The following DSCAM variants were observed in gnomAD, a reference collection of about 807,000 sequenced individuals.
DSCAM encodes the protein DS cell adhesion molecule, also known as cell adhesion molecule DSCAM.
DSCAM carries 47 observed loss-of-function variants against 217.7 expected under a neutral mutation model. That is an observed-to-expected ratio of 0.22 (90% confidence interval 0.17 to 0.28). The LOEUF (loss-of-function observed/expected upper bound fraction) is 0.28, where lower values mean the gene tolerates loss of function less well. Ranked by LOEUF, DSCAM falls within the 10% of genes least tolerant of loss-of-function variation. The probability of loss-of-function intolerance (pLI) is 1.00; values close to 1 mark genes in which losing one functional copy is unlikely to be tolerated. For missense variants in DSCAM, 2,080 were observed against 2,618.3 expected (o/e 0.79, Z 4.49); for synonymous variants, 1,056 against 1,015.3 (o/e 1.04, Z -0.76).
intron 1 of DSCAM, among the ~76,000 whole-genome samples, chr21:40,800,854 T>G (rs960995983): frequency 7.9e-5 from 12 of 151,990 alleles, no homozygotes; most frequent in African/African-American, 2.9e-4. Context: ...TAGCTTGGAT[T>G]ACAGGCACAC....
chr21:40,084,501 AAC>A (rs145863686), intron 23 of DSCAM, among the ~76,000 whole-genome samples: 18,076 of 136,038 alleles, frequency 0.13, 1,138 homozygotes, highest in Middle Eastern at 0.17. Flanking sequence ...TCCAAGATGC[AAC>A]ACACACACAC....
At chr21:40,105,439 C>T (rs1234447817) in intron 20 of DSCAM, among the ~76,000 whole-genome samples, 1 of 152,176 alleles carries the variant, frequency 6.6e-6, no homozygotes, top group Non-Finnish European at 1.5e-5. Flanking sequence ...GGTGTGGTTA[C>T]CCTCATGCTG....
chr21:40,195,558 T>C (rs886514830), intron 11 of DSCAM, among the ~76,000 whole-genome samples: 12 of 152,072 alleles, frequency 7.9e-5, no homozygotes, highest in African/African-American at 2.9e-4. Flanking sequence ...ACCCCAAACA[T>C]AGGAGATGGC....
chr21:40,562,619 A>G (rs1456133231), intron 3 of DSCAM, among the ~76,000 whole-genome samples: 1 of 152,220 alleles, frequency 6.6e-6, no homozygotes, highest in Non-Finnish European at 1.5e-5. Context: ...TACCTCTGAA[A>G]ATAACAGCTC....
chr21:40,195,024 G>A (rs963778549), intron 11 of DSCAM, among the ~76,000 whole-genome samples: 2 of 152,148 alleles, frequency 1.3e-5, no homozygotes, highest in African/African-American at 4.8e-5. Context: ...ATACTGAGAA[G>A]ATAGTAAGAT....
chr21:40,772,897 G>A (rs183170393), intron 1 of DSCAM, among the ~76,000 whole-genome samples: 4 of 152,296 alleles, frequency 2.6e-5, no homozygotes, highest in South Asian at 2.1e-4. Flanking sequence ...ACCCTGTCCC[G>A]GAGAGCTGTC....
chr21:40,431,845 T>C (rs2075535647), intron 3 of DSCAM, among the ~76,000 whole-genome samples: 1 of 152,220 alleles, frequency 6.6e-6, no homozygotes, highest in Non-Finnish European at 1.5e-5. Context: ...TTCTTGTGGC[T>C]ATTGTAATGG....
At chr21:40,022,695 T>G (rs781684944) in intron 32 of DSCAM, among the ~76,000 whole-genome samples, 1 of 152,166 alleles carries the variant, frequency 6.6e-6, no homozygotes, top group Non-Finnish European at 1.5e-5. Flanking sequence ...TGTCTCTGCC[T>G]CTGCTTCTGC....
intron 11 of DSCAM, among the ~76,000 whole-genome samples, chr21:40,216,020 C>T (rs1467456061): frequency 6.6e-6 from 1 of 151,740 alleles, no homozygotes; most frequent in Admixed American, 6.6e-5. Flanking sequence ...GCATTTCACG[C>T]CAATATTTCT....
At chr21:40,466,204 C>T (rs1183670341) in intron 3 of DSCAM, among the ~76,000 whole-genome samples, 2 of 152,186 alleles carry the variant, frequency 1.3e-5, no homozygotes, top group African/African-American at 4.8e-5. Flanking sequence ...AGTAAGGCGG[C>T]ATGCAGCTGG....
At chr21:40,687,364 G>A (rs959465584) in intron 3 of DSCAM, among the ~76,000 whole-genome samples, 1 of 151,780 alleles carries the variant, frequency 6.6e-6, no homozygotes, top group Non-Finnish European at 1.5e-5. Context: ...GCTCTTTGAG[G>A]GCAGACTCAG....
intron 3 of DSCAM, among the ~76,000 whole-genome samples, chr21:40,469,936 G>A (rs113799981): frequency 3.3e-5 from 5 of 152,106 alleles, no homozygotes; most frequent in Non-Finnish European, 5.9e-5. Context: ...TGGAAAAAAC[G>A]GTTTTAGAAT....
chr21:40,598,490 C>T (rs1026352250), intron 3 of DSCAM, among the ~76,000 whole-genome samples: 14 of 146,136 alleles, frequency 9.6e-5, no homozygotes, highest in Non-Finnish European at 1.9e-4. Context: ...TAAGAAACTG[C>T]CAAACTGTTT....
chr21:40,047,858 G>A (rs2088867056), intron 30 of DSCAM, among the ~76,000 whole-genome samples: 1 of 152,146 alleles, frequency 6.6e-6, no homozygotes, highest in African/African-American at 2.4e-5. Flanking sequence ...GTCCCATCCT[G>A]GGTAACAGAG....
intron 9 of DSCAM, among the ~76,000 whole-genome samples, chr21:40,303,945 C>T (rs1039903774): frequency 6.6e-6 from 1 of 152,132 alleles, no homozygotes; most frequent in Admixed American, 6.5e-5. Flanking sequence ...TTGGTGCTTT[C>T]CTGTGAGTGG....
intron 27 of DSCAM, among the ~76,000 whole-genome samples, chr21:40,066,992 T>G (rs988478322): frequency 6.6e-6 from 1 of 152,326 alleles, no homozygotes; most frequent in African/African-American, 2.4e-5. Flanking sequence ...TACCTCCTGA[T>G]GAACCCATCA....
chr21:40,568,296 G>A (rs1309415279), intron 3 of DSCAM, among the ~76,000 whole-genome samples: 1 of 152,174 alleles, frequency 6.6e-6, no homozygotes, highest in Non-Finnish European at 1.5e-5. Context: ...CAGTGTGTTA[G>A]TATGGTTCAA....
intron 3 of DSCAM, among the ~76,000 whole-genome samples, chr21:40,594,507 C>G (rs1385579037): frequency 6.6e-6 from 1 of 152,152 alleles, no homozygotes; most frequent in Non-Finnish European, 1.5e-5. Context: ...ACGACTGTCT[C>G]AAGACTGCTG....
intron 3 of DSCAM, among the ~76,000 whole-genome samples, chr21:40,427,985 T>A (rs77043270): frequency 0.055 from 8,372 of 152,304 alleles, 463 homozygotes; most frequent in Admixed American, 0.17. Flanking sequence ...TGACCCATTA[T>A]ACTTTGTGCT....
Sources: gnomAD v4.1 joint callset for allele counts (sites outside exome capture counted in the v4.1 genomes callset) on GRCh38, gnomAD v4.1.1 for gene constraint, MANE v1.5 for transcripts, NCBI Gene and HGNC (gene_info 2026-07-23, HGNC 2026-07-21) for gene names.